Variants in DIAPH2 observed in about 807,000 individuals in gnomAD.
The protein encoded by DIAPH2 is diaphanous related formin 2, also known as protein diaphanous homolog 2.
DIAPH2 carries 35 observed loss-of-function variants against 92.7 expected under a neutral mutation model. The observed-to-expected ratio is 0.38, with a 90% CI of 0.29 to 0.50. The LOEUF (loss-of-function observed/expected upper bound fraction) is 0.50, where lower values mean the gene tolerates loss of function less well. Among genes scored for constraint, DIAPH2 ranks in the 20% least tolerant of loss-of-function variants. DIAPH2 has a pLI of 0.94. For synonymous variants in DIAPH2, 301 were observed against 280.4 expected (o/e 1.07, Z -0.73); for missense variants, 701 against 819.5 (o/e 0.86, Z 1.77).
At chrX:97,338,014 A>G (rs2069079859) in intron 23 of DIAPH2, among the ~76,000 whole-genome samples, 1 of 109,282 alleles carries the variant, frequency 9.2e-6, no homozygotes, top group African/African-American at 3.3e-5. Flanking sequence ...CTGAGATGAC[A>G]GGTGTGCGCC....
At chrX:96,999,244 G>A (rs1223411065) in intron 17 of DIAPH2, among the ~76,000 whole-genome samples, 1 of 111,060 alleles carries the variant, frequency 9.0e-6, no homozygotes, top group Admixed American at 9.6e-5. Flanking sequence ...GCTGGGCACG[G>A]TGGCTCACAC....
chrX:97,264,157 C>T (rs2068314661), intron 23 of DIAPH2, among the ~76,000 whole-genome samples: 1 of 110,834 alleles, frequency 9.0e-6, no homozygotes, highest in Non-Finnish European at 1.9e-5. Flanking sequence ...AATTCAACTA[C>T]ATCTTAATGA....
At chrX:97,190,993 C>T (rs1373781724) in intron 22 of DIAPH2, among the ~76,000 whole-genome samples, 4 of 110,187 alleles carry the variant, frequency 3.6e-5, no homozygotes, top group South Asian at 3.9e-4. Flanking sequence ...TGTGCAGTAG[C>T]CCCCTCTTTC....
rs1445082407 is a variant in DIAPH2, at chrX:97,381,987, A to G, written c.3010-1922A>G. Among the ~76,000 whole-genome samples the G allele has an allele frequency of 4.5e-5, 5 of 111,164 alleles. No homozygotes were observed. The East Asian group carries it at 1.4e-3, about 32-fold the overall frequency. On this transcript the variant is annotated intron_variant, in intron 24 of 26. Transcript: ENST00000324765. ...AGCATGTAAACAACCCATTAGATTG[A>G]TAATATAATAGTCCACCCAGATCTT...
intron 3 of DIAPH2, among the ~76,000 whole-genome samples, chrX:96,741,302 C>A (rs1011727706): frequency 9.2e-6 from 1 of 108,455 alleles, no homozygotes; most frequent in Admixed American, 1.0e-4. Flanking sequence ...AAGCACCTCA[C>A]AATATAATTT....
At chrX:96,805,292 A>G (rs1435145873) in intron 4 of DIAPH2, among the ~76,000 whole-genome samples, 1 of 111,145 alleles carries the variant, frequency 9.0e-6, no homozygotes, top group Non-Finnish European at 1.9e-5. Flanking sequence ...GAAATAGAGC[A>G]GAGTAAGGAG....
intron 22 of DIAPH2, among the ~76,000 whole-genome samples, chrX:97,203,285 TGAAA>T (rs1461873293): frequency 9.1e-6 from 1 of 109,959 alleles, no homozygotes; most frequent in African/African-American, 3.3e-5. Context: ...GCAAACAAAT[TGAAA>T]AGCTAGCAGA....
chrX:96,768,606 T>C (rs746412764), intron 4 of DIAPH2, among the ~76,000 whole-genome samples: 4 of 111,678 alleles, frequency 3.6e-5, no homozygotes, highest in Non-Finnish European at 5.6e-5. Flanking sequence ...GTATTTTAGA[T>C]AGGCGAGCTC....
chrX:97,150,274 A>G (rs2067277170), intron 22 of DIAPH2, among the ~76,000 whole-genome samples: 1 of 111,969 alleles, frequency 8.9e-6, no homozygotes, highest in Admixed American at 9.5e-5. Flanking sequence ...TGCATAACAT[A>G]TAAACATTTC....
intron 4 of DIAPH2, among the ~76,000 whole-genome samples, chrX:96,816,087 T>G (rs1273702847): frequency 2.7e-5 from 3 of 112,605 alleles, no homozygotes; most frequent in Non-Finnish European, 3.8e-5. Flanking sequence ...TATTTGTCCT[T>G]AAGTGACTAG....
At chrX:97,438,798 A>G (rs1013815785) in intron 26 of DIAPH2, among the ~76,000 whole-genome samples, 3 of 112,013 alleles carry the variant, frequency 2.7e-5, no homozygotes, top group African/African-American at 9.7e-5. Context: ...TCTTTTAGAG[A>G]TTCTGACAGG....
chrX:97,106,592 C>G (rs138883688), intron 20 of DIAPH2, among the ~76,000 whole-genome samples: 1,335 of 111,725 alleles, frequency 0.012, 19 homozygotes, highest in African/African-American at 0.041. Flanking sequence ...TTAACCCTTT[C>G]ATTTTTCCCC....
chrX:97,514,693 G>A (rs2147840365), intron 26 of DIAPH2, among the ~76,000 whole-genome samples: 1 of 108,703 alleles, frequency 9.2e-6, no homozygotes, highest in Non-Finnish European at 1.9e-5. Context: ...TTTTTGGTGT[G>A]GATGTCCTTT....
At chrX:97,328,738 A>G (rs1030390866) in intron 23 of DIAPH2, among the ~76,000 whole-genome samples, 2 of 111,547 alleles carry the variant, frequency 1.8e-5, no homozygotes, top group Non-Finnish European at 3.8e-5. Context: ...ATATATAAAT[A>G]ATTTATTAAT....
At chrX:97,464,334 G>A (rs761990489) in intron 26 of DIAPH2, among the ~76,000 whole-genome samples, 61 of 92,925 alleles carry the variant, frequency 6.6e-4, no homozygotes, top group African/African-American at 2.2e-3. Flanking sequence ...AAAATTAGCC[G>A]GGCATGGTGG....
At chrX:97,414,155 A>G (rs1443635838) in intron 25 of DIAPH2, among the ~76,000 whole-genome samples, 2 of 111,949 alleles carry the variant, frequency 1.8e-5, no homozygotes, top group African/African-American at 6.5e-5. Flanking sequence ...TTCAACCTAT[A>G]CTACAAGGCT....
intron 26 of DIAPH2, among the ~76,000 whole-genome samples, chrX:97,548,313 C>A (rs2071196072): frequency 8.9e-6 from 1 of 112,048 alleles, no homozygotes. Context: ...CTCTTCTTTC[C>A]TGATTACATG....
intron 26 of DIAPH2, among the ~76,000 whole-genome samples, chrX:97,545,536 ATAT>A (rs1569421548): frequency 0.05 from 3,611 of 71,924 alleles, 75 homozygotes; most frequent in East Asian, 0.11. Flanking sequence ...AAAAAAAAAT[ATAT>A]ATATATATAT....
At chrX:97,314,022 CACTT>C (rs1472273930) in intron 23 of DIAPH2, among the ~76,000 whole-genome samples, 2 of 110,920 alleles carry the variant, frequency 1.8e-5, no homozygotes, top group Non-Finnish European at 3.8e-5. Context: ...CATTATATCT[CACTT>C]ACTTTGAATG....
Sources: gnomAD v4.1 joint callset for allele counts (sites outside exome capture counted in the v4.1 genomes callset) on GRCh38, gnomAD v4.1.1 for gene constraint, MANE v1.5 for transcripts, NCBI Gene and HGNC (gene_info 2026-07-23, HGNC 2026-07-21) for gene names.